TENM1: variants seen among roughly 807,000 people sequenced by gnomAD.
TENM1 encodes teneurin-1.
TENM1 carries 35 observed loss-of-function variants against 174.8 expected under a neutral mutation model. That is an observed-to-expected ratio of 0.20 (90% CI 0.15 to 0.27). The LOEUF (loss-of-function observed/expected upper bound fraction) is 0.27, where lower values mean the gene tolerates loss of function less well. TENM1 is among the 10% of genes least tolerant of loss of function. The pLI is 1.00. For missense variants in TENM1, 1,633 were observed against 2,130.1 expected (o/e 0.77, Z 4.59); for synonymous variants, 781 against 798.7 (o/e 0.98, Z 0.37).
At chrX:124,667,415 C>A (rs1201215831) in intron 6 of TENM1, among the ~76,000 whole-genome samples, 2 of 109,523 alleles carry the variant, frequency 1.8e-5, no homozygotes, top group Admixed American at 9.8e-5. Flanking sequence ...CATGGTGAAA[C>A]CCCATCTCTA....
At chrX:125,113,950 G>A in the TENM1 span, among the ~76,000 whole-genome samples, 1 of 111,129 alleles carries the variant, frequency 9.0e-6, no homozygotes, top group African/African-American at 3.3e-5. Context: ...CAAATCAACA[G>A]AATATACACT....
the TENM1 span, among the ~76,000 whole-genome samples, chrX:125,027,427 G>T: frequency 9.0e-6 from 1 of 111,278 alleles, no homozygotes; most frequent in South Asian, 3.8e-4. Context: ...CGAAAGGAGA[G>T]ATAAAGTATG....
At chrX:124,550,810 G>A (rs887152144) in intron 14 of TENM1, among the ~76,000 whole-genome samples, 15 of 108,929 alleles carry the variant, frequency 1.4e-4, no homozygotes, top group African/African-American at 4.7e-4. Context: ...CCAGGCTGGA[G>A]TGCAGTGGCG....
chrX:124,654,769 G>A (rs1022066290), intron 6 of TENM1, among the ~76,000 whole-genome samples: 3 of 111,074 alleles, frequency 2.7e-5, no homozygotes, highest in Non-Finnish European at 5.7e-5. Context: ...AAGAGGTTTG[G>A]GTACATTAGA....
At chrX:124,945,649 G>A (rs151067910) in intron 1 of TENM1, among the ~76,000 whole-genome samples, 15 of 111,232 alleles carry the variant, frequency 1.3e-4, no homozygotes, top group Non-Finnish European at 2.6e-4. Flanking sequence ...ATATAAATAT[G>A]TGGACATAAG....
rs1271522880 is a variant in TENM1, at chrX:124,708,730, A to G, written c.777-3479T>C. Among the ~76,000 whole-genome samples, 3 of 111,741 alleles carry G rather than the reference A, an allele frequency of 2.7e-5. No homozygotes were observed. In the Admixed American group the frequency reaches 2.9e-4, roughly 11 times the overall value. On this transcript the variant is annotated intron_variant, in intron 4 of 31. Transcript: ENST00000422452. ...GGCAACGTTATTCAATTTTTAAAGG[A>G]AAAAAAGTACATATGTTCAAGGAAA...
In TENM1 at chrX:124,705,562, A is replaced by G. The variant is rs2052881404; in HGVS notation, c.777-311T>C. 2.7e-5 allele frequency among the ~76,000 whole-genome samples: 3 copies of G among 111,457 alleles called. No individual in the cohort carries two copies. The Admixed American group carries it at 2.9e-4, about 11-fold the overall frequency. ...ACACTACACCCTTCCCTTTCATTAAATATGATCATCAAGAGTTGATTCAAA... is the reference window on the plus strand; with the variant it reads ...ACACTACACCCTTCCCTTTCATTAAGTATGATCATCAAGAGTTGATTCAAA... On this transcript the variant is annotated intron_variant, in intron 4 of 31. Transcript: ENST00000422452.
intron 22 of TENM1, among the ~76,000 whole-genome samples, chrX:124,454,403 GTGT>G (rs1473617480): frequency 1.5e-4 from 10 of 64,911 alleles, no homozygotes; most frequent in Non-Finnish European, 2.7e-4. Context: ...GTATATCTAG[GTGT>G]TTTTTTTTTT....
At chrX:125,021,897 T>A in the TENM1 span, among the ~76,000 whole-genome samples, 1 of 113,109 alleles carries the variant, frequency 8.8e-6, no homozygotes, top group Non-Finnish European at 1.9e-5. Flanking sequence ...GGGATGCAGC[T>A]TACTGACCCC....
At chrX:124,439,029 A>AT (rs1251448328) in intron 23 of TENM1, among the ~76,000 whole-genome samples, 1 of 111,613 alleles carries the variant, frequency 9.0e-6, no homozygotes, top group Non-Finnish European at 1.9e-5. Flanking sequence ...GGAAACTTGA[A>AT]TATCTTGATA....
intron 3 of TENM1, among the ~76,000 whole-genome samples, chrX:124,740,291 T>G (rs775391409): frequency 8.9e-6 from 1 of 111,933 alleles, no homozygotes; most frequent in East Asian, 2.8e-4. Context: ...GAGAAAGGGT[T>G]TCTCTTCAGT....
At chrX:124,390,145 C>T (rs1342026795) in intron 28 of TENM1, among the ~76,000 whole-genome samples, 6 of 111,849 alleles carry the variant, frequency 5.4e-5, no homozygotes, top group African/African-American at 2.0e-4. Context: ...GTTTTTGTAG[C>T]AAAGAGAACT....
chrX:124,471,916 C>T (rs940555730), intron 22 of TENM1, among the ~76,000 whole-genome samples: 2 of 105,769 alleles, frequency 1.9e-5, no homozygotes, highest in Admixed American at 1.1e-4. Context: ...CCTGCAGGGG[C>T]GTACCAAGGT....
At chrX:124,395,875 T>C (rs184339640) in intron 27 of TENM1, among the ~76,000 whole-genome samples, 13 of 112,255 alleles carry the variant, frequency 1.2e-4, no homozygotes, top group Admixed American at 8.5e-4. Flanking sequence ...GCTATAATGA[T>C]AGTTAAAGAG....
the TENM1 span, among the ~76,000 whole-genome samples, chrX:125,183,357 A>G: frequency 1.8e-5 from 2 of 111,713 alleles, no homozygotes; most frequent in Non-Finnish European, 3.8e-5. Flanking sequence ...ATTAACTCCA[A>G]GTGGTTATTT....
the TENM1 span, among the ~76,000 whole-genome samples, chrX:124,972,706 C>T: frequency 2.7e-5 from 3 of 111,860 alleles, no homozygotes; most frequent in African/African-American, 9.8e-5. Flanking sequence ...AAGTAAATCA[C>T]CACTTTTTAG....
At chrX:125,046,846 G>A in the TENM1 span, among the ~76,000 whole-genome samples, 1 of 97,640 alleles carries the variant, frequency 1.0e-5, no homozygotes. Context: ...ATGTGTGTGT[G>A]TGTGTGCATG....
intron 1 of TENM1, among the ~76,000 whole-genome samples, chrX:124,958,959 C>CT (rs1569489319): frequency 1.8e-5 from 2 of 110,872 alleles, no homozygotes; most frequent in Non-Finnish European, 3.8e-5. Context: ...TAAAAGGCAT[C>CT]TAGTACCGTA....
Position 124,380,715 on chromosome X carries a change from G to C in TENM1, c.8020C>G (p.Gln2674Glu), listed in dbSNP as rs1254629081. 3 of 1,209,441 alleles carry C rather than the reference G, an allele frequency of 2.5e-6. No homozygotes were observed. Among genetic ancestry groups the C allele is most frequent in the Non-Finnish European group, 3.4e-6 (3 of 894,897 alleles). ...GCCCTAATCCCCTCTTCCCCCTCTT[G>C]CAGCCTTCTTTGTTCCTTAGTCCAG... The change falls in exon 32 of 32, where the codon CAA becomes GAA. Residue 2674 changes from glutamine (Q) to glutamate (E), a missense_variant. Gln to Glu is a conservative substitution (Grantham distance 29, BLOSUM62 2). Around this residue, in one of 4 missense-constraint regions of TENM1, gnomAD observed 807 missense variants for 1,125.3 expected, o/e 0.72. Transcript: ENST00000422452.
Sources: allele counts gnomAD v4.1 joint callset (sites outside exome capture counted in the v4.1 genomes callset), GRCh38; gene constraint gnomAD v4.1.1; regional missense constraint gnomAD v4.1.1; transcripts MANE v1.5; gene names NCBI Gene and HGNC (gene_info 2026-07-23, HGNC 2026-07-21).